Variants in SEPTIN9 observed in about 807,000 individuals in gnomAD.
The protein encoded by SEPTIN9 is septin-9.
In SEPTIN9, 13 loss-of-function variants were observed where a neutral mutation model predicts 56.6. The observed-to-expected ratio is 0.23, with a 90% CI of 0.15 to 0.37. The LOEUF (loss-of-function observed/expected upper bound fraction) is 0.37, where lower values mean the gene tolerates loss of function less well. Among genes scored for constraint, SEPTIN9 ranks in the 10% least tolerant of loss-of-function variants. The probability of loss-of-function intolerance (pLI) is 1.00; values close to 1 mark genes in which losing one functional copy is unlikely to be tolerated. For missense variants in SEPTIN9, 650 were observed against 823.1 expected (o/e 0.79, Z 2.57); for synonymous variants, 332 against 334.1 (o/e 0.99, Z 0.07).
intron 3 of SEPTIN9, among the ~76,000 whole-genome samples, chr17:77,419,393 G>C (rs908595040): frequency 1.3e-5 from 2 of 152,158 alleles, no homozygotes; most frequent in African/African-American, 4.8e-5. Context: ...CGCTGTACCT[G>C]TGCCCCAGCT....
chr17:77,413,927 C>T (rs529263767), intron 3 of SEPTIN9, among the ~76,000 whole-genome samples: 1 of 150,108 alleles, frequency 6.7e-6, no homozygotes, highest in East Asian at 2.0e-4. Context: ...GCGTGTGCTA[C>T]ACTCAGTATT....
Position 77,488,739 on chromosome 17 carries a change from C to T in SEPTIN9, c.1137C>T (p.Ile379=). 1 of 1,613,852 alleles carries T rather than the reference C, an allele frequency of 6.2e-7. No homozygotes were observed. Among genetic ancestry groups the T allele is most frequent in the South Asian group, 1.1e-5 (1 of 91,086 alleles). Residue 379 remains isoleucine, a synonymous_variant, in exon 7 of 12, where the codon ATC becomes ATT. Coordinates refer to ENST00000427177, the MANE Select transcript of SEPTIN9 (RefSeq NM_001113491.2). The part of the protein sequence containing the change: ...HINNENCWQP[I]MKFINDQYEK... ...ATCCCCCACGCAGCTGGCAGCCCAT[C>T]ATGAAGTTCATCAATGACCAGTACG... is the stretch of plus-strand genomic sequence containing the variant.
intron 2 of SEPTIN9, among the ~76,000 whole-genome samples, chr17:77,343,466 T>C (rs1319482043): frequency 6.6e-6 from 1 of 152,200 alleles, no homozygotes; most frequent in Non-Finnish European, 1.5e-5. Context: ...GGCTGTTCAT[T>C]TGTATCCTTT....
chr17:77,413,119 T>TGTGC (rs2036364569), intron 3 of SEPTIN9, among the ~76,000 whole-genome samples: 2 of 150,038 alleles, frequency 1.3e-5, no homozygotes, highest in African/African-American at 5.0e-5. Context: ...TGTGTGTGTG[T>TGTGC]GTGCTATTTT....
intron 2 of SEPTIN9, among the ~76,000 whole-genome samples, chr17:77,342,885 G>A (rs780654409): frequency 4.6e-5 from 7 of 152,070 alleles, no homozygotes; most frequent in Non-Finnish European, 7.4e-5. Flanking sequence ...GAGGTGAGAG[G>A]ATAGTTTGAG....
intron 2 of SEPTIN9, among the ~76,000 whole-genome samples, chr17:77,332,617 T>G (rs1188285371): frequency 1.3e-5 from 2 of 152,220 alleles, no homozygotes; most frequent in African/African-American, 2.4e-5. Flanking sequence ...TATCCACGTG[T>G]ATCCCAGCCT....
At position 77,319,070 on chromosome 17, in the gene SEPTIN9, G is replaced by C. The variant is rs373258914; in HGVS notation, c.76+11873G>C. 7.2e-5 allele frequency among the ~76,000 whole-genome samples: 11 copies of C among 152,246 alleles called. No individual in the cohort carries two copies. Among genetic ancestry groups the C allele is most frequent in the African/African-American group, 2.7e-4 (11 of 41,468 alleles). Reference sequence around the variant, plus strand: ...TCTCAACAGAAGCTGACAGTCTGGAGTTTTCAGAGAGATTGCCTGAGTTCT... The same window carrying C: ...TCTCAACAGAAGCTGACAGTCTGGACTTTTCAGAGAGATTGCCTGAGTTCT... On this transcript the variant is annotated intron_variant, in intron 2 of 11. Transcript: ENST00000427177. The surrounding 1 kb of genome is among the most constrained non-coding windows in gnomAD (Gnocchi z 5.3).
rs2033257289 is a variant in SEPTIN9, at chr17:77,329,216, G to A, written c.76+22019G>A. On this transcript the variant is annotated intron_variant, in intron 2 of 11. Coordinates refer to ENST00000427177, the MANE Select transcript of SEPTIN9 (RefSeq NM_001113491.2). The surrounding 1 kb of genome is among the most constrained non-coding windows in gnomAD (Gnocchi z 4.3). ...AGGGGCAGGCAGGGAGGCCTGCTAG[G>A]GAGGAGGCTGCTGCAGGCCCTGCAG... Among the ~76,000 whole-genome samples, 1 of 152,220 alleles carries A rather than the reference G, an allele frequency of 6.6e-6. No homozygotes were observed. Among genetic ancestry groups the A allele is most frequent in the Admixed American group, 6.5e-5 (1 of 15,286 alleles).
intron 2 of SEPTIN9, among the ~76,000 whole-genome samples, chr17:77,312,609 G>A (rs2032547633): frequency 6.6e-6 from 1 of 152,298 alleles, no homozygotes; most frequent in Non-Finnish European, 1.5e-5. Flanking sequence ...CTTTCCTGGT[G>A]CGTGGCAGGC....
chr17:77,343,352 G>A (rs1303054146), intron 2 of SEPTIN9, among the ~76,000 whole-genome samples: 1 of 152,192 alleles, frequency 6.6e-6, no homozygotes, highest in Non-Finnish European at 1.5e-5. Flanking sequence ...GGTTTGTAGA[G>A]TTTCAGGTTG....
At position 77,400,067 on chromosome 17, in the gene SEPTIN9, C is replaced by T. The variant is rs1378247565; in HGVS notation, c.77-1992C>T. The stretch of plus-strand genomic sequence containing the variant: ...GATCTCAGCTCTGCAACCTCTGCCT[C>T]CCGGGTTCAAGCGATTCTCCTGCCT... On this transcript the variant is annotated intron_variant, in intron 2 of 11. Transcript: ENST00000427177. The surrounding 1 kb of genome is among the most constrained non-coding windows in gnomAD (Gnocchi z 4.1). 6.6e-6 allele frequency among the ~76,000 whole-genome samples: 1 copy of T among 152,170 alleles called. No individual in the cohort carries two copies. The highest frequency in any genetic ancestry group is 2.4e-5 in the African/African-American group (1 of 41,422).
chr17:77,342,681 A>T (rs943263837), intron 2 of SEPTIN9, among the ~76,000 whole-genome samples: 3 of 152,216 alleles, frequency 2.0e-5, no homozygotes, highest in African/African-American at 7.2e-5. Context: ...AGAAAGATGT[A>T]TTTGGGCTGG....
At position 77,367,116 on chromosome 17, in the gene SEPTIN9, C is replaced by G. The variant is rs999309094; in HGVS notation, c.77-34943C>G. ...GTGATGGGGTGTGGTAGCTGCACAC[C>G]GGCTCAGTCAGGCTGAATGGGGAAA... On this transcript the variant is annotated intron_variant, in intron 2 of 11. Coordinates refer to ENST00000427177, the MANE Select transcript of SEPTIN9 (RefSeq NM_001113491.2). The surrounding 1 kb of genome is among the most constrained non-coding windows in gnomAD (Gnocchi z 4.5). 6.6e-6 allele frequency among the ~76,000 whole-genome samples: 1 copy of G among 152,132 alleles called. No individual in the cohort carries two copies. Among genetic ancestry groups the G allele is most frequent in the African/African-American group, 2.4e-5 (1 of 41,422 alleles).
At position 77,434,625 on chromosome 17, in the gene SEPTIN9, C is replaced by T. The variant is rs535484115; in HGVS notation, c.721+31922C>T. Among the ~76,000 whole-genome samples, 8 of 152,252 alleles carry T rather than the reference C, an allele frequency of 5.3e-5. No homozygotes were observed. The South Asian group carries it at 1.5e-3, about 28-fold the overall frequency. ...GCCCTGGCAGGACCTGCACCATGAC[C>T]CCCGTCAAAGCTCACGTCCAAGGCA... On this transcript the variant is annotated intron_variant, in intron 3 of 11. Transcript: ENST00000427177. The surrounding 1 kb of genome is among the most constrained non-coding windows in gnomAD (Gnocchi z 5.0).
chr17:77,312,516 C>T (rs2032543594), intron 2 of SEPTIN9, among the ~76,000 whole-genome samples: 1 of 152,116 alleles, frequency 6.6e-6, no homozygotes, highest in African/African-American at 2.4e-5. Context: ...GACTTTGGGC[C>T]ATCTTGTCAC....
chr17:77,481,626 C>T (rs767820057), intron 3 of SEPTIN9, among the ~76,000 whole-genome samples: 6 of 152,214 alleles, frequency 3.9e-5, no homozygotes, highest in Admixed American at 6.5e-5. Context: ...CAAGACCATC[C>T]CTCCTGTGTC....
chr17:77,459,260 G>A (rs956287020), intron 3 of SEPTIN9, among the ~76,000 whole-genome samples: 2 of 152,222 alleles, frequency 1.3e-5, no homozygotes, highest in African/African-American at 2.4e-5. Flanking sequence ...AGGGTTAGCC[G>A]TTGACCTGAA....
intron 3 of SEPTIN9, among the ~76,000 whole-genome samples, chr17:77,455,699 G>A (rs960428971): frequency 1.9e-4 from 29 of 152,214 alleles, no homozygotes; most frequent in African/African-American, 6.8e-4. Context: ...CACTAGAACG[G>A]ACATGAGGAT....
intron 2 of SEPTIN9, among the ~76,000 whole-genome samples, chr17:77,331,595 C>A (rs564038185): frequency 1.3e-4 from 20 of 152,222 alleles, no homozygotes; most frequent in Non-Finnish European, 2.6e-4. Flanking sequence ...GCAGGTGGCG[C>A]CGCAAGCTCT....
Sources: gnomAD v4.1 joint callset for allele counts (sites outside exome capture counted in the v4.1 genomes callset) on GRCh38, gnomAD v4.1.1 for gene constraint, Gnocchi (gnomAD v3.1) non-coding constraint, MANE v1.5 for transcripts, NCBI Gene and HGNC (gene_info 2026-07-23, HGNC 2026-07-21) for gene names.